Variants in COL13A1 observed in about 807,000 individuals in gnomAD.
COL13A1 encodes the protein collagen type XIII alpha 1 chain.
Under a neutral mutation model 130.9 loss-of-function variants are expected in COL13A1, and 89 were observed. The ratio of observed to expected loss-of-function variants is 0.68; its 90% confidence interval spans 0.57 to 0.81. The LOEUF (loss-of-function observed/expected upper bound fraction) is 0.81, where lower values mean the gene tolerates loss of function less well. COL13A1 is among the 30% of genes least tolerant of loss of function. COL13A1 has a pLI of 0.00. For missense variants in COL13A1, 879 were observed against 934.6 expected (o/e 0.94, Z 0.78); for synonymous variants, 402 against 341.6 (o/e 1.18, Z -1.95).
intron 22 of COL13A1, among the ~76,000 whole-genome samples, chr10:69,922,353 G>A (rs1589536122): frequency 6.6e-6 from 1 of 152,294 alleles, no homozygotes. Context: ...GCAGTGATGG[G>A]GTCTGCAAAG....
intron 1 of COL13A1, among the ~76,000 whole-genome samples, chr10:69,818,645 C>A (rs910183352): frequency 6.6e-6 from 1 of 152,172 alleles, no homozygotes; most frequent in Non-Finnish European, 1.5e-5. Flanking sequence ...GCCAGGAGAG[C>A]CAATGGTGTA....
intron 15 of COL13A1, 25 bp from the exon 16 acceptor site, chr10:69,904,908 T>TTC: frequency 6.4e-6 from 3 of 470,202 alleles, no homozygotes; most frequent in Middle Eastern, 4.3e-4. Flanking sequence ...CTTTTTTCTT[T>TTC]TTTTTTTTTT....
intron 17 of COL13A1, among the ~76,000 whole-genome samples, chr10:69,906,723 T>TTTTTTG (rs976524069): frequency 6.6e-6 from 1 of 151,934 alleles, no homozygotes; most frequent in Non-Finnish European, 1.5e-5. Flanking sequence ...TGTTTGTTTG[T>TTTTTTG]TTTTTGTTTT....
intron 3 of COL13A1, among the ~76,000 whole-genome samples, chr10:69,868,610 A>T (rs1353943299): frequency 6.6e-6 from 1 of 152,214 alleles, no homozygotes; most frequent in East Asian, 1.9e-4. Flanking sequence ...GATCTTTCTC[A>T]AGGTTGCTGA....
At position 69,892,925 on chromosome 10, in the gene COL13A1, C is replaced by A. The variant is rs538378380; in HGVS notation, c.604-1627C>A. ...CTGGTTTCAATTGTCCAAGTCTCTG[C>A]AGTCCTGAAACTCCGCCTGCCCCTC... On this transcript the variant is annotated intron_variant, in intron 10 of 40. Transcript: ENST00000645393. Among the ~76,000 whole-genome samples, 5 of 152,308 alleles carry A rather than the reference C, an allele frequency of 3.3e-5. No homozygotes were observed. The South Asian group carries it at 1.0e-3, about 32-fold the overall frequency.
At chr10:69,939,837 G>A (rs1370216988) in intron 34 of COL13A1, among the ~76,000 whole-genome samples, 2 of 152,166 alleles carry the variant, frequency 1.3e-5, no homozygotes, top group East Asian at 1.9e-4. Context: ...AGTCAAGGTC[G>A]GTCCCAGAAT....
chr10:69,872,039 C>T, intron 3 of COL13A1, 145 bp from the exon 4 acceptor site: 1 of 902,058 alleles, frequency 1.1e-6, no homozygotes, highest in East Asian at 2.6e-5. Context: ...CCTTAGCGAT[C>T]AAGGCTCCCC....
At chr10:69,882,919 C>T (rs937301415) in intron 7 of COL13A1, among the ~76,000 whole-genome samples, 1 of 152,128 alleles carries the variant, frequency 6.6e-6, no homozygotes, top group Non-Finnish European at 1.5e-5. Flanking sequence ...CTAATGGGAG[C>T]AGGGACGGGG....
At chr10:69,924,872 C>A in intron 24 of COL13A1, 91 bp from the exon 25 acceptor site, 1 of 1,311,036 alleles carries the variant, frequency 7.6e-7, no homozygotes, top group South Asian at 1.6e-5. Context: ...TAAGATGAGC[C>A]TCCTGGCCCT....
At position 69,888,246 on chromosome 10, in the gene COL13A1, C is replaced by T. The variant is rs41277956; in HGVS notation, c.550-58C>T. 119,139 of 1,600,378 alleles carry T rather than the reference C, an allele frequency of 0.074. 4,829 individuals carry two copies. The highest frequency in any genetic ancestry group is 0.082 in the Non-Finnish European group (96,618 of 1,171,828). ...GTGCTTTTCCCCACTGCCCAGGCAG[C>T]CTCTTTGGCAGGAGTCCTGTGATGC... On this transcript the variant is annotated intron_variant, in intron 8 of 40. Coordinates refer to ENST00000645393, the MANE Select transcript of COL13A1 (RefSeq NM_001368882.1).
At chr10:69,843,370 G>A (rs1252359575) in intron 2 of COL13A1, among the ~76,000 whole-genome samples, 1 of 152,122 alleles carries the variant, frequency 6.6e-6, no homozygotes, top group Non-Finnish European at 1.5e-5. Context: ...GTCAGCTGTG[G>A]CCTCTTGGGC....
At chr10:69,838,542 G>A (rs1220837495) in intron 2 of COL13A1, among the ~76,000 whole-genome samples, 1 of 152,158 alleles carries the variant, frequency 6.6e-6, no homozygotes. Flanking sequence ...TGAGCTGCTG[G>A]TACTCAGCTC....
In COL13A1 at chr10:69,957,241, C is replaced by T. The variant is rs138701711; in HGVS notation, c.2184+199C>T. Among the ~76,000 whole-genome samples, 189 of 152,348 alleles carry T rather than the reference C, an allele frequency of 1.2e-3. 1 individual carries two copies. Among genetic ancestry groups the T allele is most frequent in the East Asian group, 3.1e-3 (16 of 5,188 alleles). Reference sequence around the variant, plus strand: ...CATTTTAAAATGCTTCTTAGAACATCAGTAAACCCTAGGCGGAATGTCCAT... The same window carrying T: ...CATTTTAAAATGCTTCTTAGAACATTAGTAAACCCTAGGCGGAATGTCCAT... On this transcript the variant is annotated intron_variant, in intron 40 of 40. Coordinates refer to ENST00000645393, the MANE Select transcript of COL13A1 (RefSeq NM_001368882.1).
chr10:69,832,923 G>T (rs1406214696), intron 2 of COL13A1, among the ~76,000 whole-genome samples: 14 of 152,220 alleles, frequency 9.2e-5, no homozygotes, highest in Admixed American at 2.0e-4. Flanking sequence ...CTGTAGTTGG[G>T]TTGGAAGTGA....
intron 38 of COL13A1, among the ~76,000 whole-genome samples, 197 bp from the exon 39 acceptor site, chr10:69,952,685 T>C (rs574812250): frequency 6.6e-4 from 100 of 152,132 alleles, no homozygotes; most frequent in African/African-American, 2.3e-3. Flanking sequence ...CCCACCCACC[T>C]TAGCCAAATT....
At chr10:69,817,957 A>C (rs937181831) in intron 1 of COL13A1, among the ~76,000 whole-genome samples, 1 of 152,040 alleles carries the variant, frequency 6.6e-6, no homozygotes, top group African/African-American at 2.4e-5. Context: ...CCAAGAAAAC[A>C]CTTACACCCT....
chr10:69,932,452 C>T (rs1296331258), intron 30 of COL13A1, 108 bp from the exon 31 acceptor site: 2 of 746,978 alleles, frequency 2.7e-6, no homozygotes, highest in Non-Finnish European at 4.7e-6. Context: ...TCCTTGTTGA[C>T]CCCTAGACCA....
chr10:69,865,966 G>T (rs892769223), intron 2 of COL13A1, among the ~76,000 whole-genome samples: 2 of 152,198 alleles, frequency 1.3e-5, no homozygotes, highest in Non-Finnish European at 2.9e-5. Flanking sequence ...TCCGCAAGGC[G>T]GGAATGATAG....
chr10:69,855,115 T>C (rs1190759170), intron 2 of COL13A1, among the ~76,000 whole-genome samples: 1 of 152,190 alleles, frequency 6.6e-6, no homozygotes, highest in Admixed American at 6.5e-5. Context: ...AGAACTCAGA[T>C]AGGCTGAGTT....
Sources: gnomAD v4.1 joint callset for allele counts (sites outside exome capture counted in the v4.1 genomes callset) on GRCh38, gnomAD v4.1.1 for gene constraint, MANE v1.5 for transcripts, NCBI Gene and HGNC (gene_info 2026-07-23, HGNC 2026-07-21) for gene names.